Variants in USP9X observed in about 807,000 individuals in gnomAD.
The protein encoded by USP9X is ubiquitin carboxyl-terminal hydrolase 9X.
In USP9X, 7 loss-of-function variants were observed where a neutral mutation model predicts 190.3. The observed-to-expected ratio is 0.04, with a 90% CI of 0.02 to 0.07. USP9X has a LOEUF of 0.07. Among genes scored for constraint, USP9X ranks in the 10% least tolerant of loss-of-function variants. The probability of loss-of-function intolerance (pLI) is 1.00; values close to 1 mark genes in which losing one functional copy is unlikely to be tolerated. For synonymous variants in USP9X, 645 were observed against 659.5 expected (o/e 0.98, Z 0.34); for missense variants, 1,010 against 1,916.9 (o/e 0.53, Z 8.83).
At chrX:41,171,296 A>T (rs2147125441) in intron 20 of USP9X, among the ~76,000 whole-genome samples, 1 of 111,975 alleles carries the variant, frequency 8.9e-6, no homozygotes, top group South Asian at 3.8e-4. Context: ...CGATTGTGCC[A>T]TTATGCTCTA....
chrX:41,128,221 T>G (rs2062273731), intron 2 of USP9X, among the ~76,000 whole-genome samples: 1 of 112,249 alleles, frequency 8.9e-6, no homozygotes. Context: ...AGTTATAAAT[T>G]ACTTTATAAT....
At chrX:41,133,941 T>G (rs953838537) in intron 4 of USP9X, among the ~76,000 whole-genome samples, 1 of 112,390 alleles carries the variant, frequency 8.9e-6, no homozygotes, top group Non-Finnish European at 1.9e-5. Flanking sequence ...TTCTTTCTTT[T>G]GGGCATATCA....
intron 26 of USP9X, among the ~76,000 whole-genome samples, chrX:41,191,241 A>G (rs954766455): frequency 9.3e-6 from 1 of 107,866 alleles, no homozygotes; most frequent in Non-Finnish European, 1.9e-5. Context: ...AGGCAGGAGA[A>G]TTGCTTGAAC....
At chrX:41,141,460 A>G in intron 9 of USP9X, 29 bp downstream of exon 9, 4 of 1,129,875 alleles carry the variant, frequency 3.5e-6, no homozygotes, top group Non-Finnish European at 4.7e-6. Flanking sequence ...CTTCATAGGA[A>G]TAAGAATCTA....
At chrX:41,183,940 G>A (rs2062850229) in intron 21 of USP9X, 58 bp from the exon 22 acceptor site, 1 of 1,133,544 alleles carries the variant, frequency 8.8e-7, no homozygotes, top group Admixed American at 2.7e-5. Context: ...GATATCAAAA[G>A]TTAAATATGT....
At chrX:41,094,514 C>T (rs1004377568) in intron 1 of USP9X, among the ~76,000 whole-genome samples, 6 of 110,389 alleles carry the variant, frequency 5.4e-5, no homozygotes, top group Non-Finnish European at 1.1e-4. Flanking sequence ...GTTATCTGAG[C>T]CATATCAATG....
In USP9X at chrX:41,153,069, C is replaced by G. The variant is rs748094992; in HGVS notation, c.1885C>G (p.Leu629Val). The G allele has an allele frequency of 4.1e-6, 5 of 1,205,612 alleles. No homozygotes were observed. In the South Asian group the frequency reaches 7.2e-5, roughly 17 times the overall value. ...TGCAACTTACATGGAAAGCATGAGA[C>G]TATATGCTAGAGGTATGTATTGTAA... ...NLATYMESMR[L>V]YARDHEDYDP... is the part of the protein sequence containing the mutation. Residue 629 changes from leucine to valine, a missense_variant, in exon 14 of 45, where the codon CTA (leucine) becomes GTA (valine). By Grantham distance (32) the Leu-to-Val change is conservative. Coordinates refer to ENST00000378308, the MANE Select transcript of USP9X (RefSeq NM_001039591.3).
At chrX:41,214,314 C>A (rs1163674305) in intron 33 of USP9X, among the ~76,000 whole-genome samples, 1 of 111,485 alleles carries the variant, frequency 9.0e-6, no homozygotes, top group Non-Finnish European at 1.9e-5. Flanking sequence ...ACCTAATAAT[C>A]TTGATCAAGT....
intron 21 of USP9X, among the ~76,000 whole-genome samples, chrX:41,175,071 A>G (rs1321900809): frequency 2.7e-5 from 3 of 112,470 alleles, no homozygotes; most frequent in Non-Finnish European, 5.6e-5. Flanking sequence ...TTATATCTGT[A>G]TGAAATCATG....
At position 41,094,863 on chromosome X, in the gene USP9X, A is replaced by AC. The variant is rs998145223; in HGVS notation, c.-159+8759dup. On this transcript the variant is annotated intron_variant, in intron 1 of 44. Transcript: ENST00000378308. ...AGACCAGCCTGGCCAACATGGTGAGACCCCCGTCTCTACTAAAAATATGAA... is the reference window on the plus strand; with the variant it reads ...AGACCAGCCTGGCCAACATGGTGAGACCCCCCGTCTCTACTAAAAATATGAA... Among the ~76,000 whole-genome samples the AC allele has an allele frequency of 2.5e-3, 267 of 107,771 alleles. 2 individuals carry two copies. Among genetic ancestry groups the AC allele is most frequent in the African/African-American group, 8.6e-3 (252 of 29,446 alleles). The allele number at this position is 107,771 out of a possible 115,157, so 93.6% of individuals were successfully genotyped here. A position where few individuals can be genotyped will look rare whatever the true frequency, so the allele number is the denominator to read the frequency against.
chrX:41,185,187 A>G (rs1314168943), intron 23 of USP9X, among the ~76,000 whole-genome samples: 1 of 112,464 alleles, frequency 8.9e-6, no homozygotes, highest in African/African-American at 3.2e-5. Context: ...AGTTTTATAA[A>G]CATCATAAAT....
intron 34 of USP9X, among the ~76,000 whole-genome samples, chrX:41,215,661 G>A (rs1344719770): frequency 8.9e-6 from 1 of 112,380 alleles, no homozygotes; most frequent in Admixed American, 9.4e-5. Flanking sequence ...CATCAAACAG[G>A]TAATAATGGC....
chrX:41,216,784 T>C (rs749548487), intron 35 of USP9X, 132 bp downstream of exon 35: 4 of 782,997 alleles, frequency 5.1e-6, no homozygotes, highest in Non-Finnish European at 7.0e-6. Flanking sequence ...GGTTCACGCC[T>C]GTAATCCCAG....
chrX:41,164,154 G>C (rs769914720), intron 15 of USP9X, among the ~76,000 whole-genome samples: 6 of 111,673 alleles, frequency 5.4e-5, no homozygotes, highest in Non-Finnish European at 1.1e-4. Context: ...TAAGGTGTAA[G>C]CCACCGTGCC....
intron 32 of USP9X, among the ~76,000 whole-genome samples, chrX:41,206,138 A>C (rs1389696813): frequency 9.0e-6 from 1 of 110,744 alleles, no homozygotes; most frequent in East Asian, 2.8e-4. Flanking sequence ...GGTGATTCCC[A>C]TCTCAGCCTC....
intron 14 of USP9X, among the ~76,000 whole-genome samples, chrX:41,158,884 G>A (rs758265874): frequency 8.9e-6 from 1 of 111,824 alleles, no homozygotes; most frequent in African/African-American, 3.3e-5. Context: ...GTCCAATCCA[G>A]CCTCTTTTCA....
At chrX:41,197,331 T>TGGGGGGGGGGGGG in intron 28 of USP9X, 33 bp from the exon 29 acceptor site, 8 of 486,735 alleles carry the variant, frequency 1.6e-5, no homozygotes, top group Admixed American at 6.0e-5. Context: ...TTTGATTTCT[T>TGGGGGGGGGGGGG]CCCCCCCCCA....
intron 43 of USP9X, among the ~76,000 whole-genome samples, chrX:41,230,132 C>T (rs2063347131): frequency 9.0e-6 from 1 of 111,483 alleles, no homozygotes; most frequent in Non-Finnish European, 1.9e-5. Context: ...ACCCAGGAGG[C>T]ACAGATTGCA....
At chrX:41,228,371 A>G (rs1455526018) in intron 41 of USP9X, among the ~76,000 whole-genome samples, 1 of 112,132 alleles carries the variant, frequency 8.9e-6, no homozygotes, top group Non-Finnish European at 1.9e-5. Context: ...AGACAGGACT[A>G]GTTGGCTTTG....
Sources: gnomAD v4.1 joint callset for allele counts (sites outside exome capture counted in the v4.1 genomes callset) on GRCh38, gnomAD v4.1.1 for gene constraint, MANE v1.5 for transcripts, NCBI Gene and HGNC (gene_info 2026-07-23, HGNC 2026-07-21) for gene names.